The following NRG1 variants were observed in gnomAD, a reference collection of about 807,000 sequenced individuals.
NRG1 encodes the protein pro-neuregulin-1, membrane-bound isoform.
A neutral mutation model predicts 63.8 loss-of-function variants in NRG1; 18 were observed. The ratio of observed to expected loss-of-function variants is 0.28; its 90% CI spans 0.19 to 0.42. The LOEUF (loss-of-function observed/expected upper bound fraction) is 0.42. Ranked by LOEUF, NRG1 falls within the 10% of genes least tolerant of loss-of-function variation. NRG1 has a pLI of 1.00. For missense variants in NRG1, 762 were observed against 814.7 expected, an observed-to-expected ratio of 0.94 and a Z score of 0.79; for synonymous variants, 302 against 301.3, an observed-to-expected ratio of 1.00 and a Z score of -0.02.
At chr8:32,246,657 G>A (rs985351776) in intron 1 of NRG1, among the ~76,000 whole-genome samples, 3 of 152,104 alleles carry the variant, frequency 2.0e-5, no homozygotes, top group African/African-American at 7.2e-5. Context: ...ATTTTCAAAC[G>A]TGAAAGATGT....
chr8:32,170,811 A>C (rs991178970), intron 1 of NRG1, among the ~76,000 whole-genome samples: 1 of 152,126 alleles, frequency 6.6e-6, no homozygotes, highest in Non-Finnish European at 1.5e-5. Flanking sequence ...TCTAGTCGAT[A>C]TTTGGTTTTA....
At chr8:32,344,268 C>T (rs542075852) in intron 1 of NRG1, among the ~76,000 whole-genome samples, 4 of 151,984 alleles carry the variant, frequency 2.6e-5, no homozygotes, top group African/African-American at 9.7e-5. Flanking sequence ...CAACTCAGTT[C>T]CATGCACTTT....
chr8:32,722,040 C>G (rs1820783882), intron 5 of NRG1: 1 of 1,545,874 alleles, frequency 6.5e-7, no homozygotes, highest in Non-Finnish European at 8.7e-7. Flanking sequence ...GAAGATATTA[C>G]AGGTAAGGTT....
intron 1 of NRG1, among the ~76,000 whole-genome samples, chr8:32,129,872 T>C (rs1023408130): frequency 3.9e-5 from 6 of 151,990 alleles, no homozygotes; most frequent in African/African-American, 7.2e-5. Flanking sequence ...ATAGAAAATA[T>C]TGTGTCGTTT....
In NRG1 at chr8:32,650,166, A is replaced by T. The variant is rs73590643; in HGVS notation, c.502+33281A>T. ...GTGAAGTTTTGATAAATTATTTTAT[A>T]AAGTAAATTTTTCTACTAAGTGTTT... is the stretch of plus-strand genomic sequence containing the variant. On this transcript the variant is annotated intron_variant, in intron 5 of 11. Transcript: ENST00000356819. Among the ~76,000 whole-genome samples the T allele has an allele frequency of 3.7e-3, 557 of 152,352 alleles. 5 individuals carry two copies. The highest frequency in any genetic ancestry group is 0.013 in the African/African-American group (530 of 41,584).
chr8:31,729,105 A>G (rs1319218673), intron 1 of NRG1, among the ~76,000 whole-genome samples: 1 of 152,170 alleles, frequency 6.6e-6, no homozygotes, highest in Admixed American at 6.6e-5. Flanking sequence ...CAGATTATAC[A>G]TGGGAAAAAT....
At chr8:32,076,664 C>G (rs1826610521) in intron 1 of NRG1, among the ~76,000 whole-genome samples, 1 of 151,572 alleles carries the variant, frequency 6.6e-6, no homozygotes, top group South Asian at 2.1e-4. Flanking sequence ...ACAACAAACC[C>G]CCATGACACA....
intron 3 of NRG1, among the ~76,000 whole-genome samples, chr8:32,606,576 T>C (rs1016970758): frequency 1.3e-5 from 2 of 152,154 alleles, no homozygotes; most frequent in African/African-American, 2.4e-5. Context: ...GAATCATCTA[T>C]AGGAGCTGAT....
At chr8:31,970,154 AT>A (rs909109099) in intron 1 of NRG1, among the ~76,000 whole-genome samples, 7 of 152,204 alleles carry the variant, frequency 4.6e-5, no homozygotes, top group Non-Finnish European at 8.8e-5. Flanking sequence ...TGGCTAGAAA[AT>A]GATAATCTGA....
At chr8:32,355,341 C>T (rs575441434) in intron 1 of NRG1, among the ~76,000 whole-genome samples, 1 of 152,096 alleles carries the variant, frequency 6.6e-6, no homozygotes, top group South Asian at 2.1e-4. Flanking sequence ...CACCTGTAGT[C>T]CCAACTACTC....
chr8:32,731,718 G>A (rs990017999), intron 6 of NRG1, among the ~76,000 whole-genome samples: 1 of 152,012 alleles, frequency 6.6e-6, no homozygotes, highest in African/African-American at 2.4e-5. Flanking sequence ...AATATACTAG[G>A]TCTTATGATA....
At position 32,344,841 on chromosome 8, in the gene NRG1, A is replaced by G. The variant is rs182298542; in HGVS notation, c.38-250987A>G. 1.7e-3 allele frequency among the ~76,000 whole-genome samples: 266 copies of G among 152,232 alleles called. 2 individuals carry two copies. Among genetic ancestry groups the G allele is most frequent in the Non-Finnish European group, 1.3e-3 (91 of 68,004 alleles). The stretch of plus-strand genomic sequence containing the variant: ...TTAGTAGACATTTAGTTTGTTAGAT[A>G]TTTAAATCTACTAGACAATCTATTA... On this transcript the variant is annotated intron_variant, in intron 1 of 10. Coordinates refer to the NRG1 transcript ENST00000519301.
intron 5 of NRG1, among the ~76,000 whole-genome samples, chr8:32,672,137 C>T (rs760902041): frequency 2.0e-5 from 3 of 152,126 alleles, no homozygotes; most frequent in South Asian, 4.1e-4. Flanking sequence ...CTCCACCTCC[C>T]GGGTTCCAGC....
intron 1 of NRG1, among the ~76,000 whole-genome samples, chr8:32,333,613 A>C (rs2129477771): frequency 6.6e-6 from 1 of 152,206 alleles, no homozygotes; most frequent in South Asian, 2.1e-4. Flanking sequence ...ATGAGAAGAG[A>C]CCCCTGTAAT....
intron 1 of NRG1, among the ~76,000 whole-genome samples, chr8:31,779,136 G>T (rs1367086381): frequency 6.6e-6 from 1 of 151,996 alleles, no homozygotes; most frequent in Admixed American, 6.6e-5. Flanking sequence ...TGATCTTGGT[G>T]GATTCTTAAG....
chr8:31,834,383 C>T (rs1009670627), intron 1 of NRG1, among the ~76,000 whole-genome samples: 1 of 151,978 alleles, frequency 6.6e-6, no homozygotes, highest in African/African-American at 2.4e-5. Context: ...ATAAAATCAG[C>T]CCTCTGGTCT....
At chr8:32,008,644 G>A (rs1814206909) in intron 1 of NRG1, among the ~76,000 whole-genome samples, 1 of 152,014 alleles carries the variant, frequency 6.6e-6, no homozygotes, top group South Asian at 2.1e-4. Flanking sequence ...ATACAGAAGT[G>A]ACATTTTTAT....
rs564830766 is a variant in NRG1, at chr8:31,982,473, C to A, written c.37+343042C>A. On this transcript the variant is annotated intron_variant, in intron 1 of 10. Transcript: ENST00000519301. ...CAGAAGATAGTGGGAATTACCAAGG[C>A]AGAGATGTGGATAATACAGTCCATG... 1.1e-4 allele frequency among the ~76,000 whole-genome samples: 17 copies of A among 152,030 alleles called. No individual in the cohort carries two copies. In the South Asian group the frequency reaches 3.5e-3, roughly 32 times the overall value.
chr8:31,825,406 T>G (rs912567673), intron 1 of NRG1, among the ~76,000 whole-genome samples: 1 of 152,052 alleles, frequency 6.6e-6, no homozygotes, highest in African/African-American at 2.4e-5. Context: ...AAAAAAGTAT[T>G]TTATACTTAA....
Sources: gnomAD v4.1 joint callset for allele counts (sites outside exome capture counted in the v4.1 genomes callset) on GRCh38, gnomAD v4.1.1 for gene constraint, MANE v1.5 for transcripts, NCBI Gene and HGNC (gene_info 2026-07-23, HGNC 2026-07-21) for gene names.